RAB1A: variants seen among roughly 807,000 people sequenced by gnomAD.
The protein encoded by RAB1A is RAB1A, member RAS oncogene family, also known as ras-related protein Rab-1A.
Under a neutral mutation model 26.0 loss-of-function variants are expected in RAB1A, and 2 were observed. The observed-to-expected ratio is 0.08, with a 90% CI of 0.03 to 0.24. The LOEUF (loss-of-function observed/expected upper bound fraction) is 0.24. Ranked by LOEUF, RAB1A falls within the 10% of genes least tolerant of loss-of-function variation. RAB1A has a pLI of 1.00. For synonymous variants in RAB1A, 84 were observed against 84.9 expected, an observed-to-expected ratio of 0.99 and a Z score of 0.06; for missense variants, 100 against 247.0, an observed-to-expected ratio of 0.40 and a Z score of 3.99.
intron 1 of RAB1A, among the ~76,000 whole-genome samples, chr2:65,107,391 C>A (rs550384898): frequency 6.6e-6 from 1 of 152,230 alleles, no homozygotes; most frequent in African/African-American, 2.4e-5. Context: ...ATACTGAACA[C>A]TGAACATTAA....
chr2:65,119,252 T>G (rs1452206640), intron 1 of RAB1A, among the ~76,000 whole-genome samples: 1 of 151,436 alleles, frequency 6.6e-6, no homozygotes, highest in Non-Finnish European at 1.5e-5. Flanking sequence ...ACACCTGTAA[T>G]CCCAGCACTT....
intron 4 of RAB1A, 102 bp from the exon 5 acceptor site, chr2:65,089,172 G>A: frequency 9.0e-7 from 1 of 1,116,728 alleles, no homozygotes; most frequent in Non-Finnish European, 1.3e-6. Context: ...CAAAGAGCTA[G>A]TGAGACAACT....
intron 1 of RAB1A, among the ~76,000 whole-genome samples, chr2:65,120,361 C>G (rs977849649): frequency 2.0e-5 from 3 of 146,778 alleles, no homozygotes; most frequent in Non-Finnish European, 4.4e-5. Flanking sequence ...GAGGCTGAGG[C>G]AGGAGAATCA....
Position 65,087,671 on chromosome 2 carries a change from A to C in RAB1A, c.*822T>G, listed in dbSNP as rs962806145. The C allele has an allele frequency of 6.6e-6, 1 of 152,650 alleles. No individual in the cohort carries two copies. The highest frequency in any genetic ancestry group is 1.5e-5 in the Non-Finnish European group (1 of 68,056). 9.5% of individuals were successfully genotyped at this position (152,650 alleles called of 1,614,324 possible). The stretch of plus-strand genomic sequence containing the variant: ...CTCCCTGAACCACTGAAGTTGGTTA[A>C]ATCCCTACACAGCACAGAAGCCCCT... On this transcript the variant is annotated 3_prime_UTR_variant, in exon 6 of 6. Transcript: ENST00000409784.
At chr2:65,104,685 T>C (rs80248317) in intron 2 of RAB1A, 49 bp downstream of exon 2, 18,362 of 1,279,784 alleles carry the variant, frequency 0.014, 219 homozygotes, top group Non-Finnish European at 0.016. Context: ...AAAACATACA[T>C]AGCATTAATT....
rs574685739 is a variant in RAB1A at position 65,129,330 on chromosome 2, A to AC, written c.23+562dup. Among the ~76,000 whole-genome samples, 55 of 152,220 alleles carry AC rather than the reference A, an allele frequency of 3.6e-4. 1 individual carries two copies. Among genetic ancestry groups the AC allele is most frequent in the African/African-American group, 1.3e-3 (54 of 41,530 alleles). ...ACTAATAAATGTTCAGTTGCTTCTC[A>AC]CCATCTACTCATTCCCCTCAATCCC... On this transcript the variant is annotated intron_variant, in intron 1 of 5. Transcript: ENST00000409784.
chr2:65,119,577 AC>A (rs1669906373), intron 1 of RAB1A, among the ~76,000 whole-genome samples: 2 of 151,430 alleles, frequency 1.3e-5, no homozygotes, highest in Admixed American at 6.6e-5. Flanking sequence ...AAACAAAAAA[AC>A]AAAAACAAAA....
At chr2:65,127,516 C>T (rs947648690) in intron 1 of RAB1A, among the ~76,000 whole-genome samples, 4 of 152,056 alleles carry the variant, frequency 2.6e-5, no homozygotes, top group African/African-American at 7.2e-5. Context: ...CGGATCACTT[C>T]GGGAGTTTGA....
chr2:65,120,676 A>G (rs548070616), intron 1 of RAB1A, among the ~76,000 whole-genome samples: 2 of 152,134 alleles, frequency 1.3e-5, no homozygotes, highest in Non-Finnish European at 2.9e-5. Flanking sequence ...ATATGAGTAT[A>G]TAGACACAAA....
intron 3 of RAB1A, among the ~76,000 whole-genome samples, chr2:65,095,782 C>T (rs560904962): frequency 2.6e-5 from 4 of 152,190 alleles, no homozygotes; most frequent in South Asian, 4.1e-4. Context: ...GAGGCCAAGA[C>T]GGGTGGATCA....
At chr2:65,126,093 C>T (rs1308527979) in intron 1 of RAB1A, among the ~76,000 whole-genome samples, 4 of 151,948 alleles carry the variant, frequency 2.6e-5, no homozygotes, top group Non-Finnish European at 5.9e-5. Flanking sequence ...TGGTCTTGAA[C>T]TCCTGACCTT....
At chr2:65,111,823 C>A (rs1669703911) in intron 1 of RAB1A, among the ~76,000 whole-genome samples, 1 of 152,146 alleles carries the variant, frequency 6.6e-6, no homozygotes, top group African/African-American at 2.4e-5. Context: ...GAGGCTCAAG[C>A]CTATAATCCC....
At chr2:65,100,630 C>T (rs1314064259) in intron 2 of RAB1A, among the ~76,000 whole-genome samples, 1 of 151,356 alleles carries the variant, frequency 6.6e-6, no homozygotes, top group Non-Finnish European at 1.5e-5. Context: ...TGTGATGGCA[C>T]ACGCCTGTAA....
intron 1 of RAB1A, among the ~76,000 whole-genome samples, chr2:65,119,476 C>T (rs1669902908): frequency 6.6e-6 from 1 of 151,288 alleles, no homozygotes; most frequent in East Asian, 1.9e-4. Context: ...CACTGCACTC[C>T]AGCCTGGGTG....
At chr2:65,117,208 A>G (rs573410547) in intron 1 of RAB1A, among the ~76,000 whole-genome samples, 11 of 151,568 alleles carry the variant, frequency 7.3e-5, no homozygotes, top group African/African-American at 2.7e-4. Context: ...TGGGACCACA[A>G]GCACACCAAC....
chr2:65,096,257 G>A (rs1669281135), intron 3 of RAB1A, among the ~76,000 whole-genome samples: 1 of 152,206 alleles, frequency 6.6e-6, no homozygotes, highest in South Asian at 2.1e-4. Flanking sequence ...GGAGGTTGCA[G>A]TGAGCTCAAA....
chr2:65,118,730 A>G (rs1204873900), intron 1 of RAB1A, among the ~76,000 whole-genome samples: 1 of 152,048 alleles, frequency 6.6e-6, no homozygotes, highest in Non-Finnish European at 1.5e-5. Context: ...CGCCCACCTC[A>G]GCCTCCCAAA....
intron 1 of RAB1A, among the ~76,000 whole-genome samples, chr2:65,117,901 T>C (rs1289381279): frequency 6.6e-6 from 1 of 152,148 alleles, no homozygotes; most frequent in East Asian, 1.9e-4. Flanking sequence ...AGTAAGCACA[T>C]GTAGTAAAGC....
chr2:65,089,976 T>A (rs1486585326), intron 4 of RAB1A, among the ~76,000 whole-genome samples: 1 of 152,258 alleles, frequency 6.6e-6, no homozygotes, highest in Non-Finnish European at 1.5e-5. Context: ...GTTCTGGGAT[T>A]ACAGGCGTGA....
Sources: gnomAD v4.1 joint callset for allele counts (sites outside exome capture counted in the v4.1 genomes callset) on GRCh38, gnomAD v4.1.1 for gene constraint, MANE v1.5 for transcripts, NCBI Gene and HGNC (gene_info 2026-07-23, HGNC 2026-07-21) for gene names.